PRSS55: variants seen among roughly 807,000 people sequenced by gnomAD.
PRSS55 encodes probable serine protease UNQ9391/PRO34284.
A neutral mutation model predicts 23.6 loss-of-function variants in PRSS55; 41 were observed. The observed-to-expected ratio is 1.74, with a 90% CI of 1.35 to 2.26. The LOEUF (loss-of-function observed/expected upper bound fraction) is 2.26, where lower values mean the gene tolerates loss of function less well. Ranked by LOEUF, PRSS55 falls within the 30% of genes most tolerant of loss-of-function variation. PRSS55 has a pLI of 0.00. For synonymous variants in PRSS55, 262 were observed against 175.5 expected (o/e 1.49, Z -3.90); for missense variants, 669 against 439.1 (o/e 1.52, Z -4.68).
intron 4 of PRSS55, among the ~76,000 whole-genome samples, chr8:10,546,006 T>C (rs754861895): frequency 1.3e-5 from 2 of 152,122 alleles, no homozygotes; most frequent in Non-Finnish European, 2.9e-5. Context: ...GCTCAGATGC[T>C]GCGTGAGCAG....
At position 10,531,464 on chromosome 8, in the gene PRSS55, G is replaced by A. The variant is rs1326725451; in HGVS notation, c.517G>A (p.Val173Met). Residue 173 changes from valine (V) to methionine (M), a missense_variant, in exon 3 of 5, where the codon GTG (valine) becomes ATG (methionine). By Grantham distance (21) the Val-to-Met change is conservative (BLOSUM62 1). Transcript: ENST00000328655. Reference sequence around the variant, plus strand: ...GCCCATCAAGCTCGATGACCTGAAGGTGCCCATCTGCCTCCCCACGCAGCC... The same window carrying A: ...GCCCATCAAGCTCGATGACCTGAAGATGCCCATCTGCCTCCCCACGCAGCC... ...ASPIKLDDLK[V>M]PICLPTQPGP... The A allele has an allele frequency of 1.2e-6, 2 of 1,613,994 alleles. No homozygotes were observed. The highest frequency in any genetic ancestry group is 1.7e-6 in the Non-Finnish European group (2 of 1,180,058).
chr8:10,529,827 C>G (rs1812185078), intron 2 of PRSS55, 128 bp downstream of exon 2: 1 of 915,570 alleles, frequency 1.1e-6, no homozygotes, highest in Admixed American at 2.2e-5. Context: ...ATGAATGGCT[C>G]CCACCCATCC....
downstream of PRSS55, chr8:10,538,929 G>A (rs1812556169): frequency 2.3e-6 from 2 of 882,554 alleles, no homozygotes; most frequent in Non-Finnish European, 3.3e-6. Flanking sequence ...GTCACCCTGG[G>A]TCCCTGGTTT....
downstream of PRSS55, among the ~76,000 whole-genome samples, chr8:10,543,481 T>TTC (rs1812727770): frequency 1.0e-4 from 2 of 19,768 alleles, no homozygotes; most frequent in East Asian, 1.7e-3. Flanking sequence ...TCTTTCTCTC[T>TTC]TTTTTTTTTT....
At chr8:10,536,703 T>C (rs1812467871) in intron 4 of PRSS55, among the ~76,000 whole-genome samples, 1 of 152,072 alleles carries the variant, frequency 6.6e-6, no homozygotes, top group Non-Finnish European at 1.5e-5. Flanking sequence ...AACAAAATCA[T>C]ATCCTTTGCA....
At chr8:10,550,117 C>G (rs75245703) in intron 4 of PRSS55, among the ~76,000 whole-genome samples, 5 of 152,112 alleles carry the variant, frequency 3.3e-5, no homozygotes, top group Non-Finnish European at 7.4e-5. Flanking sequence ...CGGGGTTTCT[C>G]CATGTTGGCC....
chr8:10,539,061 A>T (rs1281023567), downstream of PRSS55, among the ~76,000 whole-genome samples: 1 of 152,078 alleles, frequency 6.6e-6, no homozygotes, highest in Non-Finnish European at 1.5e-5. Flanking sequence ...CAGAAAAAAA[A>T]AAAAAGCCAA....
At chr8:10,551,301 G>A (rs949049342) in intron 4 of PRSS55, among the ~76,000 whole-genome samples, 1 of 150,076 alleles carries the variant, frequency 6.7e-6, no homozygotes. Context: ...AAACACCCTT[G>A]GCTTTAAAAT....
At chr8:10,541,695 TG>T (rs1812661450), downstream of PRSS55, 1 of 152,228 alleles carries the variant, frequency 6.6e-6, no homozygotes, top group Non-Finnish European at 1.5e-5. Flanking sequence ...CTGACTAATA[TG>T]GGGGAAGAGC....
chr8:10,542,217 G>A (rs1812676196), downstream of PRSS55, among the ~76,000 whole-genome samples: 1 of 152,158 alleles, frequency 6.6e-6, no homozygotes, highest in Non-Finnish European at 1.5e-5. Context: ...GTCACACAGT[G>A]TAGTGTGTAA....
intron 4 of PRSS55, 66 bp downstream of exon 4, chr8:10,533,114 T>C (rs1485734939): frequency 3.3e-6 from 5 of 1,529,542 alleles, no homozygotes; most frequent in South Asian, 1.2e-5. Context: ...AGTGCAAGGG[T>C]ATTCTCTCTC....
downstream of PRSS55, chr8:10,538,858 C>T: frequency 6.9e-7 from 1 of 1,439,076 alleles, no homozygotes; most frequent in Admixed American, 2.3e-5. Context: ...CCAGCAGAGG[C>T]TCTGTCTGCA....
Position 10,525,634 on chromosome 8 carries a change from C to T in PRSS55, c.49C>T (p.Gln17Ter). 1.2e-6 allele frequency: 2 copies of T among 1,614,174 alleles called. No homozygotes were observed. The highest frequency in any genetic ancestry group is 1.7e-6 in the Non-Finnish European group (2 of 1,180,026). ...LLLLSLVTGT[Q>*]LGPRTPLPEA... is the part of the protein sequence containing the mutation. ...GCTCCTGTCCCTGGTCACGGGAACT[C>T]AGCTCGGTCCACGGACTCCTCTCCC... The change falls in exon 1 of 5, where the codon CAG (glutamine) becomes TAG (stop). Residue 17 changes from glutamine to a stop codon, truncating the protein, a stop_gained. Transcript: ENST00000328655. LOFTEE classifies it high-confidence loss of function.
downstream of PRSS55, among the ~76,000 whole-genome samples, chr8:10,538,986 C>G (rs1812557981): frequency 6.6e-6 from 1 of 151,382 alleles, no homozygotes. Context: ...TTTTTCCATT[C>G]TAGGTGACAG....
At chr8:10,552,091 G>C (rs1812964676) in intron 4 of PRSS55, among the ~76,000 whole-genome samples, 2 of 152,222 alleles carry the variant, frequency 1.3e-5, no homozygotes, top group Non-Finnish European at 2.9e-5. Flanking sequence ...TGTGCAAAGG[G>C]AAATGTCTTC....
At chr8:10,542,306 C>G (rs1199336123), downstream of PRSS55, among the ~76,000 whole-genome samples, 1 of 150,634 alleles carries the variant, frequency 6.6e-6, no homozygotes, top group Non-Finnish European at 1.5e-5. Context: ...TCAAGGGAAA[C>G]AACAATGTCT....
At chr8:10,530,908 G>A (rs1812229354) in intron 2 of PRSS55, among the ~76,000 whole-genome samples, 1 of 152,118 alleles carries the variant, frequency 6.6e-6, no homozygotes, top group African/African-American at 2.4e-5. Context: ...TAGACCAGTT[G>A]ATACAAAACA....
chr8:10,541,388 C>A (rs981250493), downstream of PRSS55: 14 of 152,360 alleles, frequency 9.2e-5, no homozygotes, highest in Admixed American at 3.9e-4. Context: ...GGCCTCCCCA[C>A]ACAAGAGGGA....
exon 5 of PRSS55, chr8:10,554,095 C>T: frequency 2.8e-6 from 3 of 1,068,632 alleles, no homozygotes; most frequent in Non-Finnish European, 3.9e-6. Context: ...TTGGGCATAG[C>T]CTTGAGTTGA....
Sources: gnomAD v4.1 joint callset for allele counts (sites outside exome capture counted in the v4.1 genomes callset) on GRCh38, gnomAD v4.1.1 for gene constraint, MANE v1.5 for transcripts, NCBI Gene and HGNC (gene_info 2026-07-23, HGNC 2026-07-21) for gene names.